IFFO2: variants seen among roughly 807,000 people sequenced by gnomAD.
IFFO2 encodes the protein intermediate filament family orphan 2.
In IFFO2, 19 loss-of-function variants were observed where a neutral mutation model predicts 53.5. That is an observed-to-expected ratio of 0.36 (90% confidence interval 0.25 to 0.52). IFFO2 has a LOEUF of 0.52. Among genes scored for constraint, IFFO2 ranks in the 20% least tolerant of loss-of-function variants. The pLI, the probability that IFFO2 is intolerant of heterozygous loss-of-function variation, is 0.94. For synonymous variants in IFFO2, 303 were observed against 313.6 expected (o/e 0.97, Z 0.36); for missense variants, 570 against 727.4 (o/e 0.78, Z 2.49).
intron 1 of IFFO2, among the ~76,000 whole-genome samples, chr1:18,937,098 A>C (rs1936459334): frequency 6.6e-6 from 1 of 152,194 alleles, no homozygotes; most frequent in East Asian, 1.9e-4. Context: ...GGCTCAGTGC[A>C]ACTCCAGAGA....
intron 1 of IFFO2, among the ~76,000 whole-genome samples, chr1:18,924,527 A>T (rs1485928108): frequency 6.6e-6 from 1 of 152,162 alleles, no homozygotes; most frequent in Non-Finnish European, 1.5e-5. Context: ...CGGTTTGCAG[A>T]CATCGTTTCC....
chr1:18,935,486 T>C (rs1936436124), intron 1 of IFFO2, among the ~76,000 whole-genome samples: 2 of 151,748 alleles, frequency 1.3e-5, no homozygotes, highest in African/African-American at 4.8e-5. Context: ...CTACACCCCT[T>C]CCCCTTTGTC....
At chr1:18,925,628 G>A (rs542037211) in intron 1 of IFFO2, among the ~76,000 whole-genome samples, 3 of 152,352 alleles carry the variant, frequency 2.0e-5, no homozygotes, top group Admixed American at 6.5e-5. Flanking sequence ...GTCTCAGGTC[G>A]GGGGTCCAGT....
chr1:18,910,490 G>A lies in IFFO2; in HGVS notation c.1318-18C>T, dbSNP rs1936020420. On this transcript the variant is annotated intron_variant, in intron 7 of 8. Coordinates refer to ENST00000455833, the MANE Select transcript of IFFO2 (RefSeq NM_001136265.2). Reference sequence around the variant, plus strand: ...AGCTCGAGCTGGGAGGAACCAATGAGGAATAAGGGTGAGGGCAAGTCATCC... The same window carrying A: ...AGCTCGAGCTGGGAGGAACCAATGAAGAATAAGGGTGAGGGCAAGTCATCC... 6.2e-7 allele frequency: 1 copy of A among 1,603,024 alleles called. No homozygotes were observed. Among genetic ancestry groups the A allele is most frequent in the Non-Finnish European group, 8.5e-7 (1 of 1,174,764 alleles).
chr1:18,923,109 C>T (rs551347611), intron 1 of IFFO2, among the ~76,000 whole-genome samples: 6 of 152,350 alleles, frequency 3.9e-5, no homozygotes, highest in African/African-American at 1.4e-4. Context: ...CGAGCCCCGG[C>T]AAGCCTCTGG....
At position 18,917,328 on chromosome 1, in the gene IFFO2, T is replaced by A. The variant is rs78305549; in HGVS notation, c.964-286A>T. Among the ~76,000 whole-genome samples the A allele has an allele frequency of 6.6e-6, 1 of 151,886 alleles. No individual in the cohort carries two copies. Among genetic ancestry groups the A allele is most frequent in the African/African-American group, 2.4e-5 (1 of 41,318 alleles). ...TTTACCACAGAAGCAGCCCCACAGT[T>A]TGGGGAGAGGAGCAGGCCAGACCGG... is the stretch of plus-strand genomic sequence containing the variant. On this transcript the variant is annotated intron_variant, in intron 4 of 8. Coordinates refer to ENST00000455833, the MANE Select transcript of IFFO2 (RefSeq NM_001136265.2). The surrounding 1 kb of genome is among the most constrained non-coding windows in gnomAD (Gnocchi z 5.9).
chr1:18,918,265 G>T lies in IFFO2; in HGVS notation c.963+97C>A. On this transcript the variant is annotated intron_variant, in intron 4 of 8. Coordinates refer to ENST00000455833, the MANE Select transcript of IFFO2 (RefSeq NM_001136265.2). The surrounding 1 kb of genome is among the most constrained non-coding windows in gnomAD (Gnocchi z 5.2). Reference sequence around the variant, plus strand: ...CTCGGGGAAGGGGAGGGAGTGAGTGGGATGTGGAGGCAAACGGGTTGGCCG... The same window carrying T: ...CTCGGGGAAGGGGAGGGAGTGAGTGTGATGTGGAGGCAAACGGGTTGGCCG... 2 of 1,192,006 alleles carry T rather than the reference G, an allele frequency of 1.7e-6. No homozygotes were observed. The highest frequency in any genetic ancestry group is 2.4e-6 in the Non-Finnish European group (2 of 838,526). The allele number at this position is 1,192,006 out of a possible 1,614,324, so 73.8% of individuals were successfully genotyped here. A position where few individuals can be genotyped will look rare whatever the true frequency, so the allele number is the denominator to read the frequency against.
chr1:18,919,551 A>G lies in IFFO2; in HGVS notation c.822+127T>C, dbSNP rs1001029551. 4 of 686,310 alleles carry G rather than the reference A, an allele frequency of 5.8e-6. No individual in the cohort carries two copies. The highest frequency in any genetic ancestry group is 5.3e-5 in the African/African-American group (3 of 56,426). The allele number at this position is 686,310 out of a possible 1,614,324, so 42.5% of individuals were successfully genotyped here. ...TGCATCCAATGCATCCGTCATCCTC[A>G]TGGTCAAACACAGCCAGCCAGGATT... On this transcript the variant is annotated intron_variant, in intron 3 of 8. Transcript: ENST00000455833. This position sits in a 1 kb window ranked among gnomAD's most constrained non-coding sequence, Gnocchi z 4.9.
rs1411650956 is a variant in IFFO2 at position 18,919,353 on chromosome 1, C to T, written c.822+325G>A. Among the ~76,000 whole-genome samples the T allele has an allele frequency of 6.6e-6, 1 of 152,322 alleles. No homozygotes were observed. ...CAGACGCCCTGCTACGCCCAGACAC[C>T]GAGGCCTGCCCTCATCAAGGCGAGC... On this transcript the variant is annotated intron_variant, in intron 3 of 8. Transcript: ENST00000455833. This position sits in a 1 kb window ranked among gnomAD's most constrained non-coding sequence, Gnocchi z 4.9.
At chr1:18,944,145 G>C (rs1291617668) in intron 1 of IFFO2, among the ~76,000 whole-genome samples, 13 of 152,180 alleles carry the variant, frequency 8.5e-5, no homozygotes, top group Non-Finnish European at 1.9e-4. Context: ...TCTATAAAAT[G>C]GTCGTGAATA....
chr1:18,913,371 C>T (rs1365286707), intron 5 of IFFO2, among the ~76,000 whole-genome samples: 1 of 152,260 alleles, frequency 6.6e-6, no homozygotes, highest in Non-Finnish European at 1.5e-5. Context: ...GCATCACACA[C>T]TCAATTCCTG....
chr1:18,953,706 G>A (rs910312593), intron 1 of IFFO2, among the ~76,000 whole-genome samples: 14 of 152,076 alleles, frequency 9.2e-5, no homozygotes, highest in Admixed American at 3.9e-4. Flanking sequence ...TCCCAGAAGG[G>A]CGGGAAGAGA....
chr1:18,941,703 G>GTCT (rs986140407), intron 1 of IFFO2, among the ~76,000 whole-genome samples: 3 of 152,216 alleles, frequency 2.0e-5, no homozygotes, highest in African/African-American at 7.2e-5. Flanking sequence ...TTGGGTAACA[G>GTCT]TCTGCAAGAG....
intron 1 of IFFO2, among the ~76,000 whole-genome samples, chr1:18,941,414 C>A (rs1936518657): frequency 6.6e-6 from 1 of 152,204 alleles, no homozygotes; most frequent in African/African-American, 2.4e-5. Flanking sequence ...CAGATGAAAC[C>A]CTAAACCAGC....
chr1:18,919,098 C>G lies in IFFO2; in HGVS notation c.822+580G>C, dbSNP rs1175440614. Among the ~76,000 whole-genome samples, 1 of 152,214 alleles carries G rather than the reference C, an allele frequency of 6.6e-6. No individual in the cohort carries two copies. Among genetic ancestry groups the G allele is most frequent in the South Asian group, 2.1e-4 (1 of 4,836 alleles). On this transcript the variant is annotated intron_variant, in intron 3 of 8. Transcript: ENST00000455833. The surrounding 1 kb of genome is among the most constrained non-coding windows in gnomAD (Gnocchi z 4.9). ...CCCCTTCTGCCTTCTGGTGGGGTCTCCCCCTGTACTGCCCACTGTTTGAAG... is the reference window on the plus strand; with the variant it reads ...CCCCTTCTGCCTTCTGGTGGGGTCTGCCCCTGTACTGCCCACTGTTTGAAG...
At chr1:18,934,665 A>C (rs1936421935) in intron 1 of IFFO2, among the ~76,000 whole-genome samples, 2 of 152,240 alleles carry the variant, frequency 1.3e-5, no homozygotes, top group African/African-American at 4.8e-5. Context: ...TGAGAGAATT[A>C]CGGTTAACAT....
Position 18,916,757 on chromosome 1 carries a change from A to T in IFFO2, c.1103+146T>A. On this transcript the variant is annotated intron_variant, in intron 5 of 8. Coordinates refer to ENST00000455833, the MANE Select transcript of IFFO2 (RefSeq NM_001136265.2). This position sits in a 1 kb window ranked among gnomAD's most constrained non-coding sequence, Gnocchi z 4.3. ...CTCCAGCCTCCAGCCTGGGTGACAA[A>T]GTGAGACCCTGTCTCAAAAAAAAAA... 1 of 1,031,714 alleles carries T rather than the reference A, an allele frequency of 9.7e-7. No individual in the cohort carries two copies. The highest frequency in any genetic ancestry group is 1.4e-6 in the Non-Finnish European group (1 of 724,826). 63.9% of individuals were successfully genotyped at this position (1,031,714 alleles called of 1,614,324 possible).
chr1:18,955,329 T>G (rs1438319712), intron 1 of IFFO2, among the ~76,000 whole-genome samples: 1 of 152,206 alleles, frequency 6.6e-6, no homozygotes, highest in Non-Finnish European at 1.5e-5. Context: ...TTTCCTCATC[T>G]GCGAGATGAG....
rs755054349 is a variant in IFFO2, at chr1:18,910,388, C to G, written c.1402G>C (p.Val468Leu). The G allele has an allele frequency of 6.2e-7, 1 of 1,613,860 alleles. No individual in the cohort carries two copies. Among genetic ancestry groups the G allele is most frequent in the South Asian group, 1.1e-5 (1 of 91,030 alleles). Reference protein sequence around the residue: ...EMCSMKRGLDVQMETCRRLIK... With the variant: ...EMCSMKRGLDLQMETCRRLIK... ...AGCCGGCGGCAGGTCTCCATCTGCA[C>G]GTCCAGGCCTCGCTTCATGCTGCAC... The change falls in exon 8 of 9, where the codon GTG (valine) becomes CTG (leucine). Residue 468 changes from valine (V) to leucine (L), a missense_variant. Val to Leu is a conservative substitution (Grantham distance 32). Coordinates refer to ENST00000455833, the MANE Select transcript of IFFO2 (RefSeq NM_001136265.2).
Sources: gnomAD v4.1 joint callset for allele counts (sites outside exome capture counted in the v4.1 genomes callset) on GRCh38, gnomAD v4.1.1 for gene constraint, Gnocchi (gnomAD v3.1) non-coding constraint, MANE v1.5 for transcripts, NCBI Gene and HGNC (gene_info 2026-07-23, HGNC 2026-07-21) for gene names.